The following GTF2I variants were observed in gnomAD, a reference collection of about 807,000 sequenced individuals.
GTF2I encodes general transcription factor II-I.
Under a neutral mutation model 67.6 loss-of-function variants are expected in GTF2I, and 12 were observed. That is an observed-to-expected ratio of 0.18 (90% confidence interval 0.11 to 0.29). The LOEUF is 0.29. Among genes scored for constraint, GTF2I ranks in the 10% least tolerant of loss-of-function variants. The pLI, the probability that GTF2I is intolerant of heterozygous loss-of-function variation, is 1.00. For synonymous variants in GTF2I, 149 were observed against 197.0 expected, an observed-to-expected ratio of 0.76 and a Z score of 2.04; for missense variants, 271 against 580.1, an observed-to-expected ratio of 0.47 and a Z score of 5.47.
chr7:74,660,969 C>T (rs587669517), intron 1 of GTF2I, among the ~76,000 whole-genome samples: 6 of 152,188 alleles, frequency 3.9e-5, no homozygotes, highest in African/African-American at 1.4e-4. Context: ...TTCCGTGCCC[C>T]CTCCATGGCT....
At chr7:74,660,621 C>CTTTTTTTTTTTTTTTTTT (rs35605839) in intron 1 of GTF2I, among the ~76,000 whole-genome samples, 3 of 124,546 alleles carry the variant, frequency 2.4e-5, no homozygotes, top group Non-Finnish European at 4.9e-5. Context: ...CTTTTCTTTT[C>CTTTTTTTTTTTTTTTTTT]TTTTTTTTTT....
chr7:74,675,710 G>A (rs1252323313), intron 1 of GTF2I, among the ~76,000 whole-genome samples: 1 of 151,870 alleles, frequency 6.6e-6, no homozygotes, highest in Non-Finnish European at 1.5e-5. Context: ...TGTATAGTGT[G>A]GTTTGAAAGA....
chr7:74,721,486 AAG>A (rs1792984425), intron 12 of GTF2I, among the ~76,000 whole-genome samples: 1 of 152,160 alleles, frequency 6.6e-6, no homozygotes, highest in Non-Finnish European at 1.5e-5. Flanking sequence ...ATCCTTTTAA[AAG>A]GTAGCATTTT....
chr7:74,696,487 C>T (rs1028620419), intron 3 of GTF2I, among the ~76,000 whole-genome samples: 22 of 150,652 alleles, frequency 1.5e-4, no homozygotes, highest in Non-Finnish European at 2.2e-4. Context: ...TCACTACACT[C>T]GGCTAATTTT....
rs782319002 is a variant in GTF2I at position 74,733,928 on chromosome 7, A to C, written c.1310A>C (p.Glu437Ala). The C allele has an allele frequency of 4.3e-6, 7 of 1,611,622 alleles. No individual in the cohort carries two copies. The highest frequency in any genetic ancestry group is 5.9e-6 in the Non-Finnish European group (7 of 1,179,754). The change falls in exon 16 of 35, where the codon GAG becomes GCG. Residue 437 changes from glutamate (E) to alanine (A), a missense_variant. Transcript: ENST00000573035. ...TATTTATTCTCACCTTTCAGACATGAGCTTCTGAATTCAACACGTGAAGAT... is the reference window on the plus strand; with the variant it reads ...TATTTATTCTCACCTTTCAGACATGCGCTTCTGAATTCAACACGTGAAGAT... ...ERIRFVIKKHELLNSTREDLQ... is the reference protein window; with the variant it reads ...ERIRFVIKKHALLNSTREDLQ...
chr7:74,660,360 A>G (rs1804366271), intron 1 of GTF2I, among the ~76,000 whole-genome samples: 1 of 150,098 alleles, frequency 6.7e-6, no homozygotes, highest in Admixed American at 6.6e-5. Context: ...CCCCGCTAAT[A>G]TTTGTATTTT....
intron 6 of GTF2I, among the ~76,000 whole-genome samples, chr7:74,704,036 A>G (rs1790219586): frequency 6.6e-6 from 1 of 152,126 alleles, no homozygotes; most frequent in Non-Finnish European, 1.5e-5. Flanking sequence ...TTTGCAATCT[A>G]AGTGCCTCTT....
intron 6 of GTF2I, among the ~76,000 whole-genome samples, chr7:74,704,746 C>G (rs1790363713): frequency 6.7e-6 from 1 of 150,342 alleles, no homozygotes; most frequent in East Asian, 2.0e-4. Flanking sequence ...CCCAGCTACT[C>G]AGGAGGCTGA....
chr7:74,676,361 T>G (rs1443161353), intron 1 of GTF2I, among the ~76,000 whole-genome samples: 1 of 152,186 alleles, frequency 6.6e-6, no homozygotes, highest in Non-Finnish European at 1.5e-5. Flanking sequence ...CAGATGCCTG[T>G]AGTCCCAGCT....
chr7:74,666,546 A>C (rs1444267038), intron 1 of GTF2I, among the ~76,000 whole-genome samples: 1 of 152,028 alleles, frequency 6.6e-6, no homozygotes, highest in African/African-American at 2.4e-5. Flanking sequence ...GCATTAAAAA[A>C]AATTTTTTTT....
intron 1 of GTF2I, among the ~76,000 whole-genome samples, chr7:74,676,562 T>C (rs1347670843): frequency 6.6e-6 from 1 of 152,062 alleles, no homozygotes; most frequent in Non-Finnish European, 1.5e-5. Flanking sequence ...AATTAAGACA[T>C]TTAGTGTGAA....
chr7:74,683,225 A>G (rs1167070798), intron 1 of GTF2I, among the ~76,000 whole-genome samples: 2 of 152,248 alleles, frequency 1.3e-5, no homozygotes, highest in Non-Finnish European at 2.9e-5. Context: ...TGTAGAAAAC[A>G]TCTTAGACAA....
At chr7:74,695,045 T>C (rs1554398040) in intron 3 of GTF2I, among the ~76,000 whole-genome samples, 3 of 152,206 alleles carry the variant, frequency 2.0e-5, no homozygotes, top group Non-Finnish European at 4.4e-5. Flanking sequence ...GAAAAAAAGA[T>C]TGCTTTCAAA....
intron 5 of GTF2I, 86 bp downstream of exon 5, chr7:74,700,516 T>C (rs1301105179): frequency 1.3e-6 from 2 of 1,595,552 alleles, no homozygotes; most frequent in Non-Finnish European, 1.7e-6. Flanking sequence ...TTTTTAAAAT[T>C]CATATTTAAC....
At chr7:74,665,278 G>A (rs1804876373) in intron 1 of GTF2I, among the ~76,000 whole-genome samples, 1 of 151,370 alleles carries the variant, frequency 6.6e-6, no homozygotes, top group Non-Finnish European at 1.5e-5. Flanking sequence ...TTGAGACAGT[G>A]TCTTGCTCTG....
intron 12 of GTF2I, among the ~76,000 whole-genome samples, chr7:74,728,220 T>G (rs1794114926): frequency 6.6e-6 from 1 of 152,168 alleles, no homozygotes; most frequent in African/African-American, 2.4e-5. Context: ...GAGAATCGCT[T>G]GAGCCCAGGA....
chr7:74,670,689 CAAAAAAAAACA>C (rs1218379931), intron 1 of GTF2I, among the ~76,000 whole-genome samples: 27 of 80,942 alleles, frequency 3.3e-4, no homozygotes, highest in Admixed American at 4.4e-4. Context: ...GACTCTTTCT[CAAAAAAAAACA>C]AAAAAAAAAC....
intron 17 of GTF2I, among the ~76,000 whole-genome samples, chr7:74,735,870 T>C (rs1426537601): frequency 8.9e-5 from 3 of 33,544 alleles, no homozygotes; most frequent in African/African-American, 3.4e-4. Context: ...GGTTTCGCCA[T>C]GTTGGCCAGG....
At chr7:74,690,852 CA>C in intron 2 of GTF2I, 120 bp from the exon 3 acceptor site, 1 of 946,724 alleles carries the variant, frequency 1.1e-6, no homozygotes, top group Non-Finnish European at 1.6e-6. Context: ...AAAATCAGGC[CA>C]AAAACTATCT....
Sources: gnomAD v4.1 joint callset for allele counts (sites outside exome capture counted in the v4.1 genomes callset) on GRCh38, gnomAD v4.1.1 for gene constraint, MANE v1.5 for transcripts, NCBI Gene and HGNC (gene_info 2026-07-23, HGNC 2026-07-21) for gene names.